The following ADD3 variants were observed in gnomAD, a reference collection of about 807,000 sequenced individuals.
The protein encoded by ADD3 is gamma-adducin.
In ADD3, 25 loss-of-function variants were observed where a neutral mutation model predicts 80.2. The ratio of observed to expected loss-of-function variants is 0.31; its 90% CI spans 0.23 to 0.44. The LOEUF (loss-of-function observed/expected upper bound fraction) is 0.44, where lower values mean the gene tolerates loss of function less well. Ranked by LOEUF, ADD3 falls within the 20% of genes least tolerant of loss-of-function variation. The pLI is 1.00. For missense variants in ADD3, 829 were observed against 847.5 expected (o/e 0.98, Z 0.27); for synonymous variants, 284 against 289.6 (o/e 0.98, Z 0.20).
At chr10:110,112,678 A>G (rs1013928971) in intron 2 of ADD3, 99 bp from the exon 3 acceptor site, 4 of 1,379,624 alleles carry the variant, frequency 2.9e-6, no homozygotes, top group African/African-American at 1.4e-5. Context: ...GGTAAAAGCT[A>G]TTCAGAAAAG....
chr10:110,064,061 G>GT (rs2133553470), intron 1 of ADD3, among the ~76,000 whole-genome samples: 1 of 151,780 alleles, frequency 6.6e-6, no homozygotes, highest in African/African-American at 2.4e-5. Flanking sequence ...GGATTTGTCT[G>GT]TGTTGTTAAA....
intron 3 of ADD3, among the ~76,000 whole-genome samples, chr10:110,115,398 A>C (rs1850601600): frequency 6.6e-6 from 1 of 152,136 alleles, no homozygotes; most frequent in African/African-American, 2.4e-5. Flanking sequence ...TCAAAAAAAA[A>C]CAAAACAAGC....
intron 1 of ADD3, among the ~76,000 whole-genome samples, chr10:110,091,450 A>G (rs967972755): frequency 2.6e-5 from 4 of 152,242 alleles, no homozygotes; most frequent in African/African-American, 9.6e-5. Flanking sequence ...GACCAATGGA[A>G]CAGGTTAGAG....
rs1191044047 is a variant in ADD3, at chr10:110,133,334, G to A, written c.1837G>A (p.Glu613Lys). Residue 613 changes from glutamate to lysine, a missense_variant, in exon 15 of 15, where the codon GAG becomes AAG. Glu to Lys is a moderately conservative substitution (Grantham distance 56, BLOSUM62 1). Coordinates refer to ENST00000356080, the MANE Select transcript of ADD3 (RefSeq NM_016824.5). ...ACCCTCCCCTTTCGTAGAAAACCAT[G>A]AGCTGTTTTCCAAGAGCTTCATCTC... ...NVPEKLEENHELFSKSFISME... is the reference protein window; with the variant it reads ...NVPEKLEENHKLFSKSFISME... 3 of 1,577,930 alleles carry A rather than the reference G, an allele frequency of 1.9e-6. No homozygotes were observed. The highest frequency in any genetic ancestry group is 2.3e-5 in the South Asian group (2 of 87,180).
Position 110,010,353 on chromosome 10 carries a change from C to CA in ADD3, c.-30+2055dup, listed in dbSNP as rs1816762476. Among the ~76,000 whole-genome samples, 10 of 152,286 alleles carry CA rather than the reference C, an allele frequency of 6.6e-5. No homozygotes were observed. In the South Asian group the frequency reaches 2.1e-3, roughly 32 times the overall value. The stretch of plus-strand genomic sequence containing the variant: ...TTAGCAGTACTGGGTGGCATGTATG[C>CA]ATGTCATCAGAGTATAAGAAGTGTT... On this transcript the variant is annotated intron_variant, in intron 1 of 14. Coordinates refer to ENST00000356080, the MANE Select transcript of ADD3 (RefSeq NM_016824.5).
chr10:110,117,924 G>A (rs545033679), intron 5 of ADD3, among the ~76,000 whole-genome samples: 1 of 152,114 alleles, frequency 6.6e-6, no homozygotes, highest in East Asian at 1.9e-4. Context: ...GCTGAGGCAG[G>A]AGAATCGCTT....
At position 110,119,106 on chromosome 10, in the gene ADD3, C is replaced by G. The variant is rs533538256; in HGVS notation, c.718-105C>G. ...GGAAGTGGGCTGCAATGGTGAAACACAGTGAATAGGCCAGTGTTTTCCTGA... is the reference window on the plus strand; with the variant it reads ...GGAAGTGGGCTGCAATGGTGAAACAGAGTGAATAGGCCAGTGTTTTCCTGA... On this transcript the variant is annotated intron_variant, in intron 6 of 14. Coordinates refer to ENST00000356080, the MANE Select transcript of ADD3 (RefSeq NM_016824.5). 4 of 1,245,672 alleles carry G rather than the reference C, an allele frequency of 3.2e-6. No individual in the cohort carries two copies. In the South Asian group the frequency reaches 5.8e-5, roughly 18 times the overall value. 77.2% of individuals were successfully genotyped at this position (1,245,672 alleles called of 1,614,324 possible).
intron 2 of ADD3, among the ~76,000 whole-genome samples, chr10:110,103,063 T>G (rs946908709): frequency 5.3e-5 from 8 of 152,096 alleles, no homozygotes; most frequent in Non-Finnish European, 1.2e-4. Flanking sequence ...AAGTTGATAT[T>G]TTTTTTTCCT....
chr10:110,066,055 A>G (rs1456108116), intron 1 of ADD3, among the ~76,000 whole-genome samples: 3 of 151,906 alleles, frequency 2.0e-5, no homozygotes, highest in Non-Finnish European at 4.4e-5. Flanking sequence ...GGTTTTGAAC[A>G]CTTAATTTAA....
intron 1 of ADD3, among the ~76,000 whole-genome samples, chr10:110,065,602 C>T (rs1223098227): frequency 8.0e-6 from 1 of 124,846 alleles, no homozygotes; most frequent in Non-Finnish European, 1.6e-5. Context: ...TACAGTGGCT[C>T]GATCTTGGCT....
rs1274585172 is a variant in ADD3 at position 110,120,267 on chromosome 10, T to G, written c.960+703T>G. On this transcript the variant is annotated intron_variant, in intron 8 of 14. Coordinates refer to ENST00000356080, the MANE Select transcript of ADD3 (RefSeq NM_016824.5). ...AGTCCCCAGAGTGTGATATTCCCCT[T>G]CCTGTGTCCATGTGATCTCATTGTT... Among the ~76,000 whole-genome samples the G allele has an allele frequency of 3.2e-5, 4 of 124,968 alleles. No individual in the cohort carries two copies. The East Asian group carries it at 9.8e-4, about 31-fold the overall frequency. The allele number at this position is 124,968 out of a possible 152,430, so 82.0% of individuals were successfully genotyped here.
chr10:110,115,983 TC>T (rs1850687515), intron 3 of ADD3, among the ~76,000 whole-genome samples: 1 of 152,216 alleles, frequency 6.6e-6, no homozygotes, highest in Non-Finnish European at 1.5e-5. Flanking sequence ...TAACCATTTT[TC>T]CCCAGTGGTG....
chr10:110,046,193 A>T (rs1445480247), intron 1 of ADD3, among the ~76,000 whole-genome samples: 1 of 152,206 alleles, frequency 6.6e-6, no homozygotes, highest in Non-Finnish European at 1.5e-5. Flanking sequence ...TCGTCTTGTA[A>T]ACAGATGACA....
chr10:110,121,601 C>T (rs1386858418), intron 8 of ADD3, among the ~76,000 whole-genome samples: 1 of 152,058 alleles, frequency 6.6e-6, no homozygotes, highest in Non-Finnish European at 1.5e-5. Context: ...CTTTTTCTAC[C>T]AACATTAACT....
At chr10:110,121,543 T>C (rs1189423725) in intron 8 of ADD3, among the ~76,000 whole-genome samples, 1 of 152,136 alleles carries the variant, frequency 6.6e-6, no homozygotes, top group African/African-American at 2.4e-5. Context: ...TAATCTTAAT[T>C]TATTGGAAGG....
chr10:110,105,356 A>T (rs1334755085), intron 2 of ADD3, among the ~76,000 whole-genome samples: 1 of 152,190 alleles, frequency 6.6e-6, no homozygotes, highest in Non-Finnish European at 1.5e-5. Context: ...ATTGGAATTA[A>T]GTGATTCCTT....
intron 2 of ADD3, among the ~76,000 whole-genome samples, chr10:110,111,873 G>A (rs1014616611): frequency 2.6e-5 from 4 of 151,434 alleles, no homozygotes; most frequent in African/African-American, 7.3e-5. Context: ...AGATCGCGCC[G>A]TTGCACTCTA....
intron 1 of ADD3, among the ~76,000 whole-genome samples, chr10:110,012,880 T>G (rs1433046956): frequency 1.3e-5 from 2 of 152,048 alleles, no homozygotes; most frequent in Non-Finnish European, 2.9e-5. Context: ...ACTACAGGCA[T>G]GAGCCACAGG....
At chr10:110,000,209 C>T (rs7069097) in intron 1 of ADD3, among the ~76,000 whole-genome samples, 143,342 of 152,322 alleles carry the variant, frequency 0.94, 67,600 homozygotes, top group East Asian at 1. Flanking sequence ...CGTGAGCCAC[C>T]GCACCTGGCG....
Sources: allele counts gnomAD v4.1 joint callset (sites outside exome capture counted in the v4.1 genomes callset), GRCh38; gene constraint gnomAD v4.1.1; transcripts MANE v1.5; gene names NCBI Gene and HGNC (gene_info 2026-07-23, HGNC 2026-07-21).